The following SV2C variants were observed in gnomAD, a reference collection of about 807,000 sequenced individuals.
SV2C encodes synaptic vesicle glycoprotein 2C.
Under a neutral mutation model 79.7 loss-of-function variants are expected in SV2C, and 49 were observed. That is an observed-to-expected ratio of 0.61 (90% confidence interval 0.49 to 0.78). SV2C has a LOEUF of 0.78. Ranked by LOEUF, SV2C falls within the 30% of genes least tolerant of loss-of-function variation. SV2C has a pLI of 0.00. For missense variants in SV2C, 833 were observed against 912.9 expected, an observed-to-expected ratio of 0.91 and a Z score of 1.13; for synonymous variants, 334 against 333.2, an observed-to-expected ratio of 1.00 and a Z score of -0.03.
At chr5:76,063,455 C>T in the SV2C span, among the ~76,000 whole-genome samples, 1 of 152,142 alleles carries the variant, frequency 6.6e-6, no homozygotes, top group Admixed American at 6.5e-5. Flanking sequence ...AGGTGTCTGG[C>T]TCTTTGAAGG....
the SV2C span, among the ~76,000 whole-genome samples, chr5:75,998,108 G>A: frequency 5.8e-4 from 88 of 152,044 alleles, no homozygotes; most frequent in African/African-American, 1.8e-3. Context: ...ACCAAACACC[G>A]CATGTTCTCA....
chr5:75,849,613 A>G, the SV2C span, among the ~76,000 whole-genome samples: 2 of 152,168 alleles, frequency 1.3e-5, no homozygotes, highest in African/African-American at 2.4e-5. Context: ...TCTATCATCT[A>G]TCTTATGCAA....
rs139159169 is a variant in SV2C at position 76,131,646 on chromosome 5, G to C, written c.-101-4G>C. On this transcript the variant is annotated splice_polypyrimidine_tract_variant and splice_region_variant and intron_variant, in intron 1 of 12. Coordinates refer to ENST00000502798, the MANE Select transcript of SV2C (RefSeq NM_014979.4). ...AAGTATCTCCTCTATTTCTTCTTTCGCAGTTCTGTTTTGAACCCAAAGTGG... is the reference window on the plus strand; with the variant it reads ...AAGTATCTCCTCTATTTCTTCTTTCCCAGTTCTGTTTTGAACCCAAAGTGG... 1.3e-6 allele frequency: 1 copy of C among 792,648 alleles called. No individual in the cohort carries two copies. The highest frequency in any genetic ancestry group is 1.9e-6 in the Non-Finnish European group (1 of 516,864). 49.1% of individuals were successfully genotyped at this position (792,648 alleles called of 1,614,324 possible). A position where few individuals can be genotyped will look rare whatever the true frequency, so the allele number is the denominator to read the frequency against.
the SV2C span, among the ~76,000 whole-genome samples, chr5:75,902,148 G>C: frequency 2.6e-5 from 4 of 151,332 alleles, no homozygotes; most frequent in African/African-American, 2.4e-5. Context: ...CGGTACCTCA[G>C]ATGGAAATGC....
At position 76,327,684 on chromosome 5, in the gene SV2C, T is replaced by C. The variant is rs1162025006; in HGVS notation, c.*2137T>C. 2 of 152,174 alleles carry C rather than the reference T, an allele frequency of 1.3e-5. No individual in the cohort carries two copies. The highest frequency in any genetic ancestry group is 4.8e-5 in the African/African-American group (2 of 41,438). The allele number at this position is 152,174 out of a possible 1,614,324, so 9.4% of individuals were successfully genotyped here. A position where few individuals can be genotyped will look rare whatever the true frequency, so the allele number is the denominator to read the frequency against. The stretch of plus-strand genomic sequence containing the variant: ...CAACCCATCAAAAGAAAAATAGAAA[T>C]GTACATGGGCATCGCTGTCTCTAGT... On this transcript the variant is annotated 3_prime_UTR_variant, in exon 13 of 13. Coordinates refer to ENST00000502798, the MANE Select transcript of SV2C (RefSeq NM_014979.4).
intron 4 of SV2C, among the ~76,000 whole-genome samples, chr5:76,257,289 G>C (rs1427906060): frequency 1.5e-5 from 2 of 136,010 alleles, no homozygotes; most frequent in Non-Finnish European, 3.3e-5. Context: ...GTGTGTGTGT[G>C]TAGTGTGTGT....
intron 12 of SV2C, among the ~76,000 whole-genome samples, chr5:76,318,768 C>T (rs116764229): frequency 1.3e-5 from 2 of 152,306 alleles, no homozygotes; most frequent in Non-Finnish European, 2.9e-5. Context: ...AGAAGCAAAG[C>T]ATGGAGCAAT....
chr5:76,228,902 G>A (rs1745331869), intron 4 of SV2C, among the ~76,000 whole-genome samples: 1 of 152,150 alleles, frequency 6.6e-6, no homozygotes, highest in Admixed American at 6.5e-5. Context: ...GCCATGCCAT[G>A]CCTCCAGATA....
the SV2C span, among the ~76,000 whole-genome samples, chr5:75,980,912 G>A: frequency 1.3e-5 from 2 of 152,166 alleles, no homozygotes; most frequent in Non-Finnish European, 2.9e-5. Flanking sequence ...AGGAAGAGAG[G>A]AAGTCAAGCT....
Position 76,343,420 on chromosome 5 carries a change from C to T in SV2C, c.2001-9710C>T, listed in dbSNP as rs140936814. Reference sequence around the variant, plus strand: ...GCAAAGACTTAAACATAAACTTCACCGAAAAAATATCCAGAAGATTATGGC... The same window carrying T: ...GCAAAGACTTAAACATAAACTTCACTGAAAAAATATCCAGAAGATTATGGC... On this transcript the variant is annotated intron_variant, in intron 12 of 12. Transcript: ENST00000322285. Among the ~76,000 whole-genome samples, 786 of 152,016 alleles carry T rather than the reference C, an allele frequency of 5.2e-3. 3 individuals are homozygous for T. The highest frequency in any genetic ancestry group is 0.017 in the African/African-American group (705 of 41,464).
At chr5:75,921,473 G>A in the SV2C span, 12 of 795,236 alleles carry the variant, frequency 1.5e-5, no homozygotes, top group African/African-American at 5.1e-5. Flanking sequence ...TAAGGCAGTC[G>A]GTCTCTGGGT....
the SV2C span, among the ~76,000 whole-genome samples, chr5:76,010,973 C>T: frequency 6.6e-6 from 1 of 152,150 alleles, no homozygotes; most frequent in South Asian, 2.1e-4. Context: ...CCATTGCTAG[C>T]CTATGAAGCA....
the SV2C span, among the ~76,000 whole-genome samples, chr5:75,935,916 G>T: frequency 6.6e-6 from 1 of 152,080 alleles, no homozygotes; most frequent in Non-Finnish European, 1.5e-5. Context: ...TTTTAAAACA[G>T]AAATAAAAAG....
the SV2C span, among the ~76,000 whole-genome samples, chr5:76,057,377 C>G: frequency 1.3e-5 from 2 of 151,674 alleles, no homozygotes; most frequent in Admixed American, 6.6e-5. Flanking sequence ...ATCCCACCCC[C>G]CTACCCCCAC....
At chr5:75,885,546 G>A in the SV2C span, among the ~76,000 whole-genome samples, 1 of 152,082 alleles carries the variant, frequency 6.6e-6, no homozygotes, top group African/African-American at 2.4e-5. Context: ...AATTTAAGCA[G>A]AAGTTCATGC....
the SV2C span, among the ~76,000 whole-genome samples, chr5:76,049,259 C>T: frequency 1.3e-5 from 2 of 151,184 alleles, no homozygotes; most frequent in Admixed American, 1.3e-4. Context: ...ATGGCGTGAA[C>T]CCGGGAGGCG....
the SV2C span, among the ~76,000 whole-genome samples, chr5:76,035,666 G>C: frequency 8.5e-5 from 13 of 152,244 alleles, no homozygotes; most frequent in Non-Finnish European, 1.5e-4. Context: ...TTACTTCCAA[G>C]TATGTGGTCA....
chr5:75,957,463 T>C, the SV2C span, among the ~76,000 whole-genome samples: 1 of 152,192 alleles, frequency 6.6e-6, no homozygotes, highest in South Asian at 2.1e-4. Context: ...CATGCAGCTA[T>C]TAATCTGGTG....
intron 12 of SV2C, 52 bp from the exon 13 acceptor site, chr5:76,325,312 G>A (rs1004050220): frequency 1.5e-5 from 23 of 1,581,570 alleles, no homozygotes; most frequent in Non-Finnish European, 1.9e-5. Context: ...TCTAAAGTTG[G>A]AATCATGGGG....
Sources: gnomAD v4.1 joint callset for allele counts (sites outside exome capture counted in the v4.1 genomes callset) on GRCh38, gnomAD v4.1.1 for gene constraint, MANE v1.5 for transcripts, NCBI Gene and HGNC (gene_info 2026-07-23, HGNC 2026-07-21) for gene names.